The following MAP3K5 variants were observed in gnomAD, a reference collection of about 807,000 sequenced individuals.
The protein encoded by MAP3K5 is ASK-1.
A neutral mutation model predicts 158.7 loss-of-function variants in MAP3K5; 56 were observed. That is an observed-to-expected ratio of 0.35 (90% CI 0.28 to 0.44). The LOEUF is 0.44. Ranked by LOEUF, MAP3K5 falls within the 20% of genes least tolerant of loss-of-function variation. MAP3K5 has a pLI of 1.00. For synonymous variants in MAP3K5, 579 were observed against 601.7 expected, an observed-to-expected ratio of 0.96 and a Z score of 0.55; for missense variants, 1,294 against 1,674.8, an observed-to-expected ratio of 0.77 and a Z score of 3.97.
At chr6:136,699,903 G>A (rs915060242) in intron 3 of MAP3K5, among the ~76,000 whole-genome samples, 2 of 152,110 alleles carry the variant, frequency 1.3e-5, no homozygotes, top group Admixed American at 6.6e-5. Context: ...AGATCAGCCT[G>A]GCCAATATGG....
intron 29 of MAP3K5, 42 bp downstream of exon 29, chr6:136,558,758 C>G (rs1380236612): frequency 4.0e-6 from 5 of 1,257,022 alleles, no homozygotes; most frequent in South Asian, 3.7e-5. Flanking sequence ...TGATATTTGC[C>G]TGGTGCTCTT....
Position 136,609,726 on chromosome 6 carries a change from G to T in MAP3K5, c.2521+1556C>A, listed in dbSNP as rs1198297367. On this transcript the variant is annotated intron_variant, in intron 18 of 29. Transcript: ENST00000359015. This position sits in a 1 kb window ranked among gnomAD's most constrained non-coding sequence, Gnocchi z 4.4. ...GGAGAATCACTTGAGCCCGGGGTAG[G>T]GGAGGTCACAGTGAGCAGAGATTAC... 6.6e-6 allele frequency among the ~76,000 whole-genome samples: 1 copy of T among 151,684 alleles called. No homozygotes were observed. Among genetic ancestry groups the T allele is most frequent in the African/African-American group, 2.4e-5 (1 of 41,242 alleles).
chr6:136,637,535 C>T, intron 13 of MAP3K5, 129 bp from the exon 14 acceptor site: 2 of 566,620 alleles, frequency 3.5e-6, no homozygotes, highest in Non-Finnish European at 6.3e-6. Flanking sequence ...CAATAACACA[C>T]TATCAAGATC....
chr6:136,629,493 C>G (rs543713407), intron 14 of MAP3K5, among the ~76,000 whole-genome samples: 1 of 152,002 alleles, frequency 6.6e-6, no homozygotes, highest in Non-Finnish European at 1.5e-5. Flanking sequence ...CACGCTCTGT[C>G]GCCCAGGCTG....
At chr6:136,572,977 T>A (rs746448304) in intron 25 of MAP3K5, among the ~76,000 whole-genome samples, 4 of 152,352 alleles carry the variant, frequency 2.6e-5, no homozygotes, top group African/African-American at 9.6e-5. Context: ...ATCTCAGGTA[T>A]AGACCTAGTT....
chr6:136,635,162 A>T (rs1777562489), intron 14 of MAP3K5, among the ~76,000 whole-genome samples: 1 of 151,046 alleles, frequency 6.6e-6, no homozygotes, highest in East Asian at 1.9e-4. Context: ...AATTTGTAAC[A>T]TTGAAGAATA....
At chr6:136,648,765 T>C (rs1778387082) in intron 11 of MAP3K5, among the ~76,000 whole-genome samples, 1 of 152,178 alleles carries the variant, frequency 6.6e-6, no homozygotes, top group Non-Finnish European at 1.5e-5. Flanking sequence ...GGCCTGGCCA[T>C]GATTGACATC....
chr6:136,561,865 C>A (rs1370598865), intron 27 of MAP3K5, among the ~76,000 whole-genome samples: 1 of 152,172 alleles, frequency 6.6e-6, no homozygotes, highest in African/African-American at 2.4e-5. Context: ...AATGAAATGA[C>A]ACTCCTACGT....
chr6:136,792,523 G>GCA, upstream of MAP3K5: 1 of 311,332 alleles, frequency 3.2e-6, no homozygotes, highest in East Asian at 1.8e-4. The surrounding 1 kb of genome is among the most constrained non-coding windows in gnomAD (Gnocchi z 5.7). Flanking sequence ...CGCTCGGGGT[G>GCA]CAGCCCGCCC....
chr6:136,784,285 G>C (rs1784747661), intron 1 of MAP3K5, among the ~76,000 whole-genome samples: 1 of 152,128 alleles, frequency 6.6e-6, no homozygotes, highest in Non-Finnish European at 1.5e-5. Context: ...GTAAGAAATT[G>C]GTACTCTAAA....
In MAP3K5 at chr6:136,704,434, C is replaced by T. The variant is rs548653185; in HGVS notation, c.612+676G>A. ...GCATGAATGCTGCCATGGAAACATA[C>T]TATAGACACATATACATACACACAT... On this transcript the variant is annotated intron_variant, in intron 3 of 29. Coordinates refer to ENST00000359015, the MANE Select transcript of MAP3K5 (RefSeq NM_005923.4). 4.2e-4 allele frequency among the ~76,000 whole-genome samples: 64 copies of T among 152,270 alleles called. No homozygotes were observed. In the South Asian group the frequency reaches 0.013, roughly 31 times the overall value.
chr6:136,791,666 G>A, intron 1 of MAP3K5, 44 bp downstream of exon 1: 1 of 1,594,782 alleles, frequency 6.3e-7, no homozygotes, highest in Non-Finnish European at 8.6e-7. Context: ...CAGATTAAAC[G>A]CGGGTCCCGA....
At position 136,605,291 on chromosome 6, in the gene MAP3K5, G is replaced by C; in HGVS notation, c.2597C>G (p.Ser866Cys). The C allele has an allele frequency of 6.2e-7, 1 of 1,614,102 alleles. No individual in the cohort carries two copies. The highest frequency in any genetic ancestry group is 8.5e-7 in the Non-Finnish European group (1 of 1,179,930). The change falls in exon 19 of 30, where the codon TCT becomes TGT. Residue 866 changes from serine to cysteine, a missense_variant. Transcript: ENST00000359015. ...CATTTCAATGATTGTACAGCCCAGA[G>C]ACCAGATGTCTGCTGCTTTTCCGTA... Reference protein sequence around the residue: ...RGYGKAADIWSLGCTIIEMAT... With the variant: ...RGYGKAADIWCLGCTIIEMAT...
At chr6:136,574,995 C>CT (rs930797296) in intron 25 of MAP3K5, among the ~76,000 whole-genome samples, 5 of 150,888 alleles carry the variant, frequency 3.3e-5, no homozygotes, top group South Asian at 4.2e-4. Flanking sequence ...GGCCTAAACA[C>CT]TTTTTTTTTA....
intron 25 of MAP3K5, among the ~76,000 whole-genome samples, chr6:136,573,635 G>C (rs1054315122): frequency 6.6e-6 from 1 of 152,146 alleles, no homozygotes. Flanking sequence ...GAGTTCTGGG[G>C]GAGGGGAGCC....
intron 1 of MAP3K5, among the ~76,000 whole-genome samples, chr6:136,763,711 G>C (rs1007951332): frequency 6.6e-6 from 1 of 152,148 alleles, no homozygotes; most frequent in Non-Finnish European, 1.5e-5. Flanking sequence ...GCTGTGGTTT[G>C]AACAGTTGTC....
intron 7 of MAP3K5, among the ~76,000 whole-genome samples, chr6:136,684,518 G>A (rs1225300801): frequency 1.3e-5 from 2 of 152,142 alleles, no homozygotes; most frequent in African/African-American, 4.8e-5. Context: ...GGTCCTCTAA[G>A]GCATGGTGAT....
intron 1 of MAP3K5, among the ~76,000 whole-genome samples, chr6:136,791,004 T>A (rs1236227449): frequency 6.6e-6 from 1 of 152,202 alleles, no homozygotes; most frequent in Non-Finnish European, 1.5e-5. Context: ...TTTTAGACAA[T>A]GTTAAATTAC....
chr6:136,703,654 G>A (rs995556916), intron 3 of MAP3K5, among the ~76,000 whole-genome samples: 1 of 152,224 alleles, frequency 6.6e-6, no homozygotes, highest in Non-Finnish European at 1.5e-5. Context: ...ATTGAAGCAT[G>A]AAGCAATAAT....
Sources: allele counts gnomAD v4.1 joint callset (sites outside exome capture counted in the v4.1 genomes callset), GRCh38; gene constraint gnomAD v4.1.1; non-coding constraint Gnocchi (gnomAD v3.1); transcripts MANE v1.5; gene names NCBI Gene and HGNC (gene_info 2026-07-23, HGNC 2026-07-21).